EIF4ENIF1: variants seen among roughly 807,000 people sequenced by gnomAD.
EIF4ENIF1 encodes the protein eukaryotic translation initiation factor 4E transporter.
In EIF4ENIF1, 23 loss-of-function variants were observed where a neutral mutation model predicts 110.5. The observed-to-expected ratio is 0.21, with a 90% confidence interval of 0.15 to 0.29. EIF4ENIF1 has a LOEUF of 0.29. Ranked by LOEUF, EIF4ENIF1 falls within the 10% of genes least tolerant of loss-of-function variation. EIF4ENIF1 has a pLI of 1.00. For missense variants in EIF4ENIF1, 1,031 were observed against 1,221.1 expected (o/e 0.84, Z 2.32); for synonymous variants, 440 against 437.0 (o/e 1.01, Z -0.09).
intron 3 of EIF4ENIF1, among the ~76,000 whole-genome samples, chr22:31,469,810 A>G (rs2051302592): frequency 6.6e-6 from 1 of 152,124 alleles, no homozygotes; most frequent in Non-Finnish European, 1.5e-5. Context: ...CTCCCATCTC[A>G]GCCTCCTGAG....
At chr22:31,492,040 G>A (rs1033902066), upstream of EIF4ENIF1, among the ~76,000 whole-genome samples, 2 of 152,160 alleles carry the variant, frequency 1.3e-5, no homozygotes, top group East Asian at 1.9e-4. Context: ...TGAGGGTCCC[G>A]TAAAAGCGTA....
intron 3 of EIF4ENIF1, among the ~76,000 whole-genome samples, 179 bp from the exon 4 acceptor site, chr22:31,468,481 G>A (rs2051264041): frequency 6.6e-6 from 1 of 152,136 alleles, no homozygotes; most frequent in South Asian, 2.1e-4. Context: ...TGCACCCTCT[G>A]CCTCCCAGGT....
chr22:31,454,120 G>C, intron 10 of EIF4ENIF1, 24 bp downstream of exon 10: 1 of 1,589,672 alleles, frequency 6.3e-7, no homozygotes, highest in African/African-American at 1.3e-5. Flanking sequence ...AGAAAAGGGT[G>C]GGGGGTTTGT....
At chr22:31,482,713 T>G (rs1169184138) in intron 2 of EIF4ENIF1, among the ~76,000 whole-genome samples, 1 of 150,266 alleles carries the variant, frequency 6.7e-6, no homozygotes, top group African/African-American at 2.5e-5. Flanking sequence ...GATTAGTCTA[T>G]TCACTTGACG....
intron 2 of EIF4ENIF1, among the ~76,000 whole-genome samples, chr22:31,472,356 C>T (rs2051410341): frequency 6.6e-6 from 1 of 151,860 alleles, no homozygotes; most frequent in Admixed American, 6.6e-5. Flanking sequence ...ACAACCTCCA[C>T]CTCCTGGGTT....
At chr22:31,480,530 G>A (rs2051773877) in intron 2 of EIF4ENIF1, among the ~76,000 whole-genome samples, 1 of 152,162 alleles carries the variant, frequency 6.6e-6, no homozygotes, top group Non-Finnish European at 1.5e-5. Flanking sequence ...GGGTGAGACG[G>A]GCAGATCACC....
chr22:31,477,112 C>T (rs2051604177), intron 2 of EIF4ENIF1, among the ~76,000 whole-genome samples: 1 of 150,752 alleles, frequency 6.6e-6, no homozygotes, highest in Non-Finnish European at 1.5e-5. Flanking sequence ...GACAGAAAAC[C>T]TGTCTCAAAA....
At chr22:31,456,212 ATTT>A (rs970351818) in intron 7 of EIF4ENIF1, among the ~76,000 whole-genome samples, 3 of 144,770 alleles carry the variant, frequency 2.1e-5, no homozygotes, top group African/African-American at 7.6e-5. Flanking sequence ...TTCCTTTTTT[ATTT>A]TTTATTACTT....
chr22:31,477,382 A>C (rs968368130), intron 2 of EIF4ENIF1, among the ~76,000 whole-genome samples: 1 of 71,110 alleles, frequency 1.4e-5, no homozygotes, highest in Admixed American at 1.4e-4. Flanking sequence ...AAACAAAAAA[A>C]ACAAAAAAAG....
chr22:31,477,482 A>G (rs562310714), intron 2 of EIF4ENIF1, among the ~76,000 whole-genome samples: 1 of 152,276 alleles, frequency 6.6e-6, no homozygotes, highest in Non-Finnish European at 1.5e-5. Context: ...ACAGAGTGAT[A>G]AACACCAACT....
intron 7 of EIF4ENIF1, among the ~76,000 whole-genome samples, chr22:31,457,551 T>C (rs995329990): frequency 6.6e-6 from 1 of 152,232 alleles, no homozygotes; most frequent in African/African-American, 2.4e-5. Flanking sequence ...GGTACATGGA[T>C]GACAGAATTA....
At chr22:31,444,768 AG>A (rs778433602) in intron 14 of EIF4ENIF1, 78 bp from the exon 15 acceptor site, 52 of 1,397,800 alleles carry the variant, frequency 3.7e-5, no homozygotes, top group Non-Finnish European at 5.1e-5. Context: ...ACTCAAGACC[AG>A]CCTAGAAGTT....
chr22:31,480,912 A>T (rs2051793595), intron 2 of EIF4ENIF1, among the ~76,000 whole-genome samples: 1 of 151,732 alleles, frequency 6.6e-6, no homozygotes, highest in African/African-American at 2.4e-5. Context: ...AAAAAAAGAA[A>T]ATCAGCTGGG....
At chr22:31,448,075 A>T in intron 13 of EIF4ENIF1, 78 bp downstream of exon 13, 1 of 1,503,376 alleles carries the variant, frequency 6.7e-7, no homozygotes, top group African/African-American at 1.4e-5. Flanking sequence ...GAATCACAAC[A>T]GTTCAGCTCT....
At chr22:31,450,458 G>GTAT in intron 10 of EIF4ENIF1, 98 bp from the exon 11 acceptor site, 1 of 891,334 alleles carries the variant, frequency 1.1e-6, no homozygotes, top group African/African-American at 1.7e-5. Flanking sequence ...CTCCTAGGGA[G>GTAT]TTAATAGCAG....
In EIF4ENIF1 at chr22:31,450,242, G is replaced by T. The variant is rs546552851; in HGVS notation, c.1584+47C>A. 24 of 1,521,020 alleles carry T rather than the reference G, an allele frequency of 1.6e-5. No homozygotes were observed. The South Asian group carries it at 2.1e-4, about 13-fold the overall frequency. 94.2% of individuals were successfully genotyped at this position (1,521,020 alleles called of 1,614,324 possible). ...ACCACTAAGCAAAACTGGTTCAGAA[G>T]ACTACTGTTCAAGACTCCAAGGCCT... is the stretch of plus-strand genomic sequence containing the variant. On this transcript the variant is annotated intron_variant, in intron 11 of 18. Coordinates refer to ENST00000330125, the MANE Select transcript of EIF4ENIF1 (RefSeq NM_019843.4).
chr22:31,446,775 T>G (rs1292553976), intron 14 of EIF4ENIF1, among the ~76,000 whole-genome samples: 3 of 152,292 alleles, frequency 2.0e-5, no homozygotes, highest in Middle Eastern at 3.4e-3. Flanking sequence ...CACATTTGTT[T>G]TATATAGTTT....
chr22:31,440,219 A>C, intron 18 of EIF4ENIF1, 98 bp from the exon 19 acceptor site: 1 of 1,565,540 alleles, frequency 6.4e-7, no homozygotes, highest in South Asian at 1.2e-5. Context: ...TCTTTACTAG[A>C]GGATTTTTTC....
At chr22:31,455,026 A>AAT in intron 9 of EIF4ENIF1, 110 bp downstream of exon 9, 1 of 906,468 alleles carries the variant, frequency 1.1e-6, no homozygotes, top group Non-Finnish European at 1.6e-6. Flanking sequence ...ACAAAAACCC[A>AAT]ATATATATTT....
Sources: gnomAD v4.1 joint callset for allele counts (sites outside exome capture counted in the v4.1 genomes callset) on GRCh38, gnomAD v4.1.1 for gene constraint, MANE v1.5 for transcripts, NCBI Gene and HGNC (gene_info 2026-07-23, HGNC 2026-07-21) for gene names.